The following THEM4 variants were observed in gnomAD, a reference collection of about 807,000 sequenced individuals.
The protein encoded by THEM4 is thioesterase superfamily member 4.
In THEM4, 22 loss-of-function variants were observed where a neutral mutation model predicts 25.0. That is an observed-to-expected ratio of 0.88 (90% CI 0.63 to 1.26). The LOEUF is 1.26. THEM4 is among the 50% of genes most tolerant of loss of function. THEM4 has a pLI of 0.00. For missense variants in THEM4, 286 were observed against 300.3 expected, an observed-to-expected ratio of 0.95 and a Z score of 0.35; for synonymous variants, 113 against 105.6, an observed-to-expected ratio of 1.07 and a Z score of -0.43.
At chr1:151,901,307 T>A (rs1654346849) in intron 1 of THEM4, among the ~76,000 whole-genome samples, 2 of 152,110 alleles carry the variant, frequency 1.3e-5, no homozygotes, top group Non-Finnish European at 2.9e-5. Context: ...AGTCAACAAA[T>A]AAACAATGGA....
chr1:151,877,214 A>G, intron 4 of THEM4, 89 bp from the exon 5 acceptor site: 1 of 1,371,520 alleles, frequency 7.3e-7, no homozygotes, highest in Admixed American at 2.3e-5. Context: ...CAAGGGATAG[A>G]AATTTATGAC....
chr1:151,890,158 G>C (rs1654063825), intron 2 of THEM4: 2 of 453,682 alleles, frequency 4.4e-6, no homozygotes, highest in Admixed American at 4.8e-5. Flanking sequence ...GCCTGCCTTG[G>C]CCTCCCAAAG....
rs1654503984 is a variant in THEM4, at chr1:151,907,759, ATTTTTC to A, written c.99+1595_99+1600del. Among the ~76,000 whole-genome samples, 5 of 151,970 alleles carry A rather than the reference ATTTTTC, an allele frequency of 3.3e-5. No individual in the cohort carries two copies. In the East Asian group the frequency reaches 5.8e-4, roughly 18 times the overall value. ...TTTTGGGGGGACAGCAACGGCACCTATTTTTCTTTTTACGATACTGGAGGTGGTCCA... is the reference window on the plus strand; with the variant it reads ...TTTTGGGGGGACAGCAACGGCACCTATTTTTACGATACTGGAGGTGGTCCA... On this transcript the variant is annotated intron_variant, in intron 1 of 5. Transcript: ENST00000368814.
intron 4 of THEM4, among the ~76,000 whole-genome samples, chr1:151,882,512 T>C (rs141924241): frequency 1.9e-4 from 29 of 152,206 alleles, no homozygotes; most frequent in African/African-American, 7.0e-4. Flanking sequence ...CCCAGAGAGG[T>C]TAGGTAATTT....
chr1:151,909,254 T>G (rs1241496805), intron 1 of THEM4, 106 bp downstream of exon 1: 1 of 930,632 alleles, frequency 1.1e-6, no homozygotes, highest in East Asian at 3.2e-5. Flanking sequence ...GAGCTTTTAT[T>G]CTGAGATTGG....
chr1:151,904,637 T>C (rs1654417702), intron 1 of THEM4, among the ~76,000 whole-genome samples: 1 of 152,188 alleles, frequency 6.6e-6, no homozygotes, highest in Non-Finnish European at 1.5e-5. Flanking sequence ...GTTAAAAGAC[T>C]GTTGCAAAGG....
intron 2 of THEM4, among the ~76,000 whole-genome samples, chr1:151,893,906 A>G (rs772402994): frequency 6.0e-5 from 9 of 151,156 alleles, no homozygotes; most frequent in South Asian, 2.1e-4. Context: ...GTTGCCCAGG[A>G]TGGAGTGCAG....
chr1:151,879,211 G>A (rs1240813755), intron 4 of THEM4, among the ~76,000 whole-genome samples: 1 of 152,098 alleles, frequency 6.6e-6, no homozygotes, highest in Non-Finnish European at 1.5e-5. Flanking sequence ...AGAAGACACT[G>A]AGGCACTAAG....
intron 4 of THEM4, among the ~76,000 whole-genome samples, chr1:151,883,059 G>C (rs1302575727): frequency 6.6e-6 from 1 of 151,906 alleles, no homozygotes; most frequent in Non-Finnish European, 1.5e-5. Context: ...AGGAGAGAGA[G>C]AGAGAGAGAG....
At chr1:151,879,228 G>A (rs560205275) in intron 4 of THEM4, among the ~76,000 whole-genome samples, 61 of 152,092 alleles carry the variant, frequency 4.0e-4, no homozygotes, top group Non-Finnish European at 7.3e-4. Flanking sequence ...TAAGCGGAAG[G>A]AGGAGTCTCA....
chr1:151,884,822 G>A (rs1653929886), intron 4 of THEM4, among the ~76,000 whole-genome samples: 1 of 151,604 alleles, frequency 6.6e-6, no homozygotes, highest in South Asian at 2.1e-4. Context: ...CCAAGTAGCT[G>A]AGATTACAGG....
At chr1:151,882,524 C>T (rs1653866276) in intron 4 of THEM4, among the ~76,000 whole-genome samples, 1 of 152,164 alleles carries the variant, frequency 6.6e-6, no homozygotes, top group Non-Finnish European at 1.5e-5. Context: ...AGGTAATTTG[C>T]TAAAGCTGTA....
intron 3 of THEM4, 120 bp from the exon 4 acceptor site, chr1:151,888,503 C>T (rs1371221121): frequency 8.6e-6 from 6 of 696,050 alleles, no homozygotes. Context: ...GTCCACTTAG[C>T]CCATGTTCAG....
At chr1:151,888,682 G>C (rs981578829) in intron 3 of THEM4, among the ~76,000 whole-genome samples, 2 of 152,190 alleles carry the variant, frequency 1.3e-5, no homozygotes. Flanking sequence ...TTTATTATTA[G>C]TCAAGTGTGG....
chr1:151,906,864 C>T (rs1654481055), intron 1 of THEM4, among the ~76,000 whole-genome samples: 1 of 152,120 alleles, frequency 6.6e-6, no homozygotes, highest in Non-Finnish European at 1.5e-5. Flanking sequence ...ATTGTAAATG[C>T]ACCAATCAGG....
intron 1 of THEM4, among the ~76,000 whole-genome samples, chr1:151,909,015 C>G (rs1011639961): frequency 3.3e-5 from 5 of 152,170 alleles, no homozygotes; most frequent in East Asian, 1.9e-4. Flanking sequence ...GTTCACGTCA[C>G]TTTAATCTTT....
intron 5 of THEM4, among the ~76,000 whole-genome samples, chr1:151,876,657 A>G (rs564165898): frequency 6.6e-6 from 1 of 151,950 alleles, no homozygotes; most frequent in South Asian, 2.1e-4. Context: ...CCATGTTGCC[A>G]AGGCTGGTCT....
intron 4 of THEM4, among the ~76,000 whole-genome samples, chr1:151,878,906 A>ACACACT (rs1653748043): frequency 6.6e-6 from 1 of 151,012 alleles, no homozygotes; most frequent in South Asian, 2.1e-4. Flanking sequence ...ACACACACAC[A>ACACACT]CACACACACA....
chr1:151,872,387 T>G lies in THEM4; in HGVS notation c.*2501A>C, dbSNP rs541207456. On this transcript the variant is annotated 3_prime_UTR_variant, in exon 6 of 6. Transcript: ENST00000368814. ...TATTTGACCATTCTGTTCTTCGAAA[T>G]AGTGATTTCATATGGTTCAGCTTAA... Among the ~76,000 whole-genome samples the G allele has an allele frequency of 1.2e-4, 19 of 152,258 alleles. No individual in the cohort carries two copies. Among genetic ancestry groups the G allele is most frequent in the African/African-American group, 4.1e-4 (17 of 41,540 alleles).
Sources: allele counts gnomAD v4.1 joint callset (sites outside exome capture counted in the v4.1 genomes callset), GRCh38; gene constraint gnomAD v4.1.1; transcripts MANE v1.5; gene names NCBI Gene and HGNC (gene_info 2026-07-23, HGNC 2026-07-21).